The following DDI2 variants were observed in gnomAD, a reference collection of about 807,000 sequenced individuals.
The protein encoded by DDI2 is protein DDI1 homolog 2.
In DDI2, 5 loss-of-function variants were observed where a neutral mutation model predicts 48.1. That is an observed-to-expected ratio of 0.10 (90% CI 0.05 to 0.22). The LOEUF (loss-of-function observed/expected upper bound fraction) is 0.22, where lower values mean the gene tolerates loss of function less well. Ranked by LOEUF, DDI2 falls within the 10% of genes least tolerant of loss-of-function variation. The pLI is 1.00. For synonymous variants in DDI2, 205 were observed against 183.6 expected, an observed-to-expected ratio of 1.12 and a Z score of -0.94; for missense variants, 285 against 506.2, an observed-to-expected ratio of 0.56 and a Z score of 4.19.
rs535941628 is a variant in DDI2, at chr1:15,668,386, C to G, written c.*8596C>G. 3 of 152,266 alleles carry G rather than the reference C, an allele frequency of 2.0e-5. No individual in the cohort carries two copies. Among genetic ancestry groups the G allele is most frequent in the African/African-American group, 4.8e-5 (2 of 41,538 alleles). 9.4% of individuals were successfully genotyped at this position (152,266 alleles called of 1,614,324 possible). On this transcript the variant is annotated 3_prime_UTR_variant, in exon 10 of 10. Coordinates refer to ENST00000480945, the MANE Select transcript of DDI2 (RefSeq NM_032341.5). Reference sequence around the variant, plus strand: ...AATGACTAGATTTCTATTCTATCCCCGATCATCCTTTTGAAATAGTTCTAG... The same window carrying G: ...AATGACTAGATTTCTATTCTATCCCGGATCATCCTTTTGAAATAGTTCTAG...
chr1:15,638,610 C>G (rs1480789874), intron 5 of DDI2, among the ~76,000 whole-genome samples, 176 bp downstream of exon 5: 4 of 147,752 alleles, frequency 2.7e-5, no homozygotes, highest in African/African-American at 1.0e-4. Flanking sequence ...TCTTGGCTCA[C>G]TGCAACCTCT....
rs527798236 is a variant in DDI2 at position 15,644,582 on chromosome 1, TTTTTG to T, written c.889+937_889+941del. On this transcript the variant is annotated intron_variant, in intron 6 of 9. Transcript: ENST00000480945. Reference sequence around the variant, plus strand: ...AAAGTTTTCTTTTTCTTTTCAGTTTTTTTTGTTTTTTTTTTTTTTTTTTTTTTTTG... The same window carrying T: ...AAAGTTTTCTTTTTCTTTTCAGTTTTTTTTTTTTTTTTTTTTTTTTTTTTG... 8.5e-3 allele frequency among the ~76,000 whole-genome samples: 1,037 copies of T among 121,806 alleles called. 72 individuals carry two copies. The highest frequency in any genetic ancestry group is 0.033 in the African/African-American group (965 of 28,930). The allele number at this position is 121,806 out of a possible 152,430, so 79.9% of individuals were successfully genotyped here. A position where few individuals can be genotyped will look rare whatever the true frequency, so the allele number is the denominator to read the frequency against.
At chr1:15,654,998 C>T (rs1448257319) in intron 8 of DDI2, among the ~76,000 whole-genome samples, 1 of 149,488 alleles carries the variant, frequency 6.7e-6, no homozygotes, top group Admixed American at 6.7e-5. Flanking sequence ...GAAACATTAG[C>T]TGATAATAGC....
chr1:15,626,629 C>T, intron 1 of DDI2, 40 bp from the exon 2 acceptor site: 1 of 1,612,402 alleles, frequency 6.2e-7, no homozygotes, highest in Non-Finnish European at 8.5e-7. Flanking sequence ...TGTGTTACTT[C>T]TCAGTGCTTT....
intron 1 of DDI2, among the ~76,000 whole-genome samples, chr1:15,622,279 C>T (rs1193396033): frequency 6.6e-6 from 1 of 151,500 alleles, no homozygotes; most frequent in Non-Finnish European, 1.5e-5. Context: ...CTGCCTCTGC[C>T]TCCCAGAGTG....
intron 7 of DDI2, 135 bp downstream of exon 7, chr1:15,649,958 A>T: frequency 1.3e-6 from 1 of 795,716 alleles, no homozygotes; most frequent in Admixed American, 3.3e-5. Context: ...TCCTTAAATT[A>T]TGTTGCTATA....
chr1:15,630,392 A>T lies in DDI2; in HGVS notation c.336A>T (p.Pro112=). 1 of 1,614,230 alleles carries T rather than the reference A, an allele frequency of 6.2e-7. No homozygotes were observed. Among genetic ancestry groups the T allele is most frequent in the South Asian group, 1.1e-5 (1 of 91,092 alleles). The change falls in exon 3 of 10, where the codon CCA becomes CCT. Residue 112 remains proline (P), a synonymous_variant. Transcript: ENST00000480945. ...CATCAAGTCCCCGGCAGCGCCAGCC[A>T]CCAGGAACACAGCAGTCCCACTCAT... ...PGTSSPRQRQ[P]PGTQQSHSSP... is the part of the protein sequence containing the mutation.
Position 15,661,602 on chromosome 1 carries a change from C to T in DDI2, c.*1812C>T, listed in dbSNP as rs1640381456. ...TGATTTTTCCTGCCACAGATATTGA[C>T]CGCATTCTCCGTGCTGGCTTTACTT... On this transcript the variant is annotated 3_prime_UTR_variant, in exon 10 of 10. Transcript: ENST00000480945. The T allele has an allele frequency of 1.2e-6, 2 of 1,614,030 alleles. No homozygotes were observed. The highest frequency in any genetic ancestry group is 1.3e-5 in the African/African-American group (1 of 74,918).
At chr1:15,657,140 CTT>C (rs2148304696) in intron 9 of DDI2, among the ~76,000 whole-genome samples, 1 of 152,312 alleles carries the variant, frequency 6.6e-6, no homozygotes, top group East Asian at 1.9e-4. Flanking sequence ...GAAATGGAAA[CTT>C]AGGCCAGAGG....
Position 15,665,032 on chromosome 1 carries a change from C to G in DDI2, c.*5242C>G, listed in dbSNP as rs917018357. 2 of 152,202 alleles carry G rather than the reference C, an allele frequency of 1.3e-5. No homozygotes were observed. The highest frequency in any genetic ancestry group is 4.8e-5 in the African/African-American group (2 of 41,384). The allele number at this position is 152,202 out of a possible 1,614,324, so 9.4% of individuals were successfully genotyped here. On this transcript the variant is annotated 3_prime_UTR_variant, in exon 10 of 10. Transcript: ENST00000480945. ...ATCCCAGCACTTTGGGAGGCCAAGG[C>G]GGGTGGATCACCTGAGGGCAGGAGT...
At chr1:15,643,959 A>G (rs1039188835) in intron 6 of DDI2, among the ~76,000 whole-genome samples, 1 of 152,206 alleles carries the variant, frequency 6.6e-6, no homozygotes, top group Non-Finnish European at 1.5e-5. Flanking sequence ...ATTTCTAAAT[A>G]ACATGTTTAT....
At chr1:15,649,172 T>TGGG (rs1557621271) in intron 6 of DDI2, among the ~76,000 whole-genome samples, 1 of 151,948 alleles carries the variant, frequency 6.6e-6, no homozygotes. Context: ...AAGACCAGCC[T>TGGG]GGCTAACATG....
intron 8 of DDI2, among the ~76,000 whole-genome samples, chr1:15,654,917 A>G (rs1198397200): frequency 6.7e-6 from 1 of 148,784 alleles, no homozygotes; most frequent in Non-Finnish European, 1.5e-5. Flanking sequence ...ATGAGGATAT[A>G]TTATCATTTT....
intron 2 of DDI2, 27 bp from the exon 3 acceptor site, chr1:15,630,298 G>C: frequency 6.2e-7 from 1 of 1,609,114 alleles, no homozygotes; most frequent in Non-Finnish European, 8.5e-7. Context: ...AGTAATTTGA[G>C]TAAACTGAAT....
chr1:15,637,644 A>G (rs1639949359), intron 4 of DDI2, among the ~76,000 whole-genome samples: 1 of 152,258 alleles, frequency 6.6e-6, no homozygotes, highest in Admixed American at 6.5e-5. Flanking sequence ...TTGGGATTAC[A>G]GGCGTGAGCC....
At chr1:15,623,797 A>T (rs896365611) in intron 1 of DDI2, among the ~76,000 whole-genome samples, 1 of 152,116 alleles carries the variant, frequency 6.6e-6, no homozygotes, top group African/African-American at 2.4e-5. Context: ...GCAGTGACTC[A>T]CGTCTGTAAT....
Position 15,631,993 on chromosome 1 carries a change from A to T in DDI2, c.505+1432A>T, listed in dbSNP as rs140267730. On this transcript the variant is annotated intron_variant, in intron 3 of 9. Transcript: ENST00000480945. ...GCTAATTTTTGTATTATTAGTAGAG[A>T]TTGGGTTTCACCATGTTGGCCAGGC... 8.8e-4 allele frequency among the ~76,000 whole-genome samples: 134 copies of T among 151,772 alleles called. 1 individual carries two copies. The East Asian group carries it at 0.023, about 26-fold the overall frequency.
intron 4 of DDI2, among the ~76,000 whole-genome samples, chr1:15,636,149 G>A (rs1480844698): frequency 6.6e-6 from 1 of 151,920 alleles, no homozygotes; most frequent in African/African-American, 2.4e-5. Context: ...TTTTTTGTTT[G>A]TTTTGAGACA....
chr1:15,619,554 C>T (rs888200026), intron 1 of DDI2, among the ~76,000 whole-genome samples: 21 of 151,458 alleles, frequency 1.4e-4, no homozygotes, highest in Admixed American at 1.2e-3. Context: ...CTCCACCTCC[C>T]GGGTTCGTGC....
Sources: allele counts gnomAD v4.1 joint callset (sites outside exome capture counted in the v4.1 genomes callset), GRCh38; gene constraint gnomAD v4.1.1; transcripts MANE v1.5; gene names NCBI Gene and HGNC (gene_info 2026-07-23, HGNC 2026-07-21).